PPARGC1A: variants seen among roughly 807,000 people sequenced by gnomAD.
PPARGC1A encodes the protein peroxisome proliferator-activated receptor gamma coactivator 1-alpha.
In PPARGC1A, 25 loss-of-function variants were observed where a neutral mutation model predicts 88.7. The ratio of observed to expected loss-of-function variants is 0.28; its 90% CI spans 0.21 to 0.39. The LOEUF (loss-of-function observed/expected upper bound fraction) is 0.39. Among genes scored for constraint, PPARGC1A ranks in the 10% least tolerant of loss-of-function variants. PPARGC1A has a pLI of 1.00. For synonymous variants in PPARGC1A, 363 were observed against 355.6 expected (o/e 1.02, Z -0.24); for missense variants, 880 against 968.7 (o/e 0.91, Z 1.22).
the PPARGC1A span, among the ~76,000 whole-genome samples, chr4:24,051,120 A>G: frequency 7.1e-6 from 1 of 141,310 alleles, no homozygotes; most frequent in Non-Finnish European, 1.5e-5. Context: ...CCCAGGAGGC[A>G]GAGCTTGCAG....
chr4:23,979,304 C>G, the PPARGC1A span, among the ~76,000 whole-genome samples: 1 of 152,170 alleles, frequency 6.6e-6, no homozygotes, highest in East Asian at 1.9e-4. Context: ...TTAAGGGATA[C>G]TTTCTCCTGT....
chr4:24,123,026 T>C, the PPARGC1A span, among the ~76,000 whole-genome samples: 1 of 152,184 alleles, frequency 6.6e-6, no homozygotes, highest in East Asian at 1.9e-4. Context: ...TGTGTGTGTG[T>C]GCATGTGTGT....
the PPARGC1A span, among the ~76,000 whole-genome samples, chr4:24,288,898 T>C: frequency 2.0e-5 from 3 of 152,136 alleles, no homozygotes; most frequent in Non-Finnish European, 4.4e-5. Flanking sequence ...CCAAGACTTG[T>C]ACCTGATGAC....
At chr4:24,181,238 G>A in the PPARGC1A span, among the ~76,000 whole-genome samples, 1 of 152,178 alleles carries the variant, frequency 6.6e-6, no homozygotes, top group South Asian at 2.1e-4. Context: ...ATCTACAAGA[G>A]TGATCATAGC....
the PPARGC1A span, among the ~76,000 whole-genome samples, chr4:24,318,204 G>T: frequency 6.6e-6 from 1 of 152,238 alleles, no homozygotes; most frequent in African/African-American, 2.4e-5. Context: ...ACTTGGTATA[G>T]TGACGAAAGC....
chr4:24,047,733 G>C, the PPARGC1A span, among the ~76,000 whole-genome samples: 8 of 152,190 alleles, frequency 5.3e-5, no homozygotes, highest in East Asian at 1.5e-3. Context: ...GAACCACCAA[G>C]CAAGTAAACC....
the PPARGC1A span, among the ~76,000 whole-genome samples, chr4:24,272,652 C>T: frequency 6.6e-6 from 1 of 152,182 alleles, no homozygotes; most frequent in African/African-American, 2.4e-5. Flanking sequence ...GTTCCAAGAT[C>T]CTCACACAAA....
At chr4:24,041,536 C>T in the PPARGC1A span, among the ~76,000 whole-genome samples, 1 of 152,140 alleles carries the variant, frequency 6.6e-6, no homozygotes, top group Non-Finnish European at 1.5e-5. Flanking sequence ...ACTCTAACCC[C>T]ATTTGTATGT....
chr4:24,119,476 C>T, the PPARGC1A span, among the ~76,000 whole-genome samples: 3 of 152,152 alleles, frequency 2.0e-5, no homozygotes, highest in Non-Finnish European at 4.4e-5. Context: ...AGCAGTCAAA[C>T]TGTCAGGATA....
the PPARGC1A span, among the ~76,000 whole-genome samples, chr4:24,393,013 G>GCACACACACACACACA: frequency 1.4e-5 from 2 of 146,096 alleles, no homozygotes; most frequent in African/African-American, 5.2e-5. Flanking sequence ...TGCTCCATCA[G>GCACACACACACACACA]CACACACACA....
At position 23,794,440 on chromosome 4, in the gene PPARGC1A, G is replaced by C. The variant is rs1202681858; in HGVS notation, c.*1382C>G. The C allele has an allele frequency of 3.9e-5, 6 of 152,478 alleles. No homozygotes were observed. The highest frequency in any genetic ancestry group is 7.4e-5 in the Non-Finnish European group (5 of 68,018). The allele number at this position is 152,478 out of a possible 1,614,324, so 9.4% of individuals were successfully genotyped here. On this transcript the variant is annotated 3_prime_UTR_variant, in exon 13 of 13. Transcript: ENST00000264867. The stretch of plus-strand genomic sequence containing the variant: ...AGGATATTTCTTGACAAGATGCTTA[G>C]ATTGAAGCTCACCTAAGGGATGGAT...
At chr4:24,138,100 C>T in the PPARGC1A span, among the ~76,000 whole-genome samples, 10 of 152,308 alleles carry the variant, frequency 6.6e-5, no homozygotes, top group Non-Finnish European at 1.2e-4. Context: ...ACTGCCCACA[C>T]CCCTGGTCTG....
At chr4:24,420,056 T>TG in the PPARGC1A span, among the ~76,000 whole-genome samples, 1 of 152,262 alleles carries the variant, frequency 6.6e-6, no homozygotes, top group Non-Finnish European at 1.5e-5. Flanking sequence ...TTCTGTCAGT[T>TG]GCTGACATTT....
the PPARGC1A span, among the ~76,000 whole-genome samples, chr4:23,993,199 G>A: frequency 6.6e-6 from 1 of 152,132 alleles, no homozygotes; most frequent in African/African-American, 2.4e-5. Flanking sequence ...GAACAATGAT[G>A]TTATGTAACA....
the PPARGC1A span, among the ~76,000 whole-genome samples, chr4:24,140,799 T>C: frequency 6.6e-6 from 1 of 152,276 alleles, no homozygotes; most frequent in South Asian, 2.1e-4. Context: ...CTGATGAATG[T>C]GCTTATCCTC....
chr4:24,317,346 A>C, the PPARGC1A span, among the ~76,000 whole-genome samples: 1 of 151,910 alleles, frequency 6.6e-6, no homozygotes, highest in Non-Finnish European at 1.5e-5. Context: ...GGAAAGTGTG[A>C]CCAGTCCAGT....
chr4:24,213,992 T>C, the PPARGC1A span, among the ~76,000 whole-genome samples: 1 of 152,192 alleles, frequency 6.6e-6, no homozygotes, highest in African/African-American at 2.4e-5. Context: ...AGACTCAACA[T>C]AAAGCGAAGC....
At chr4:23,804,409 A>T (rs1719376359) in intron 10 of PPARGC1A, among the ~76,000 whole-genome samples, 2 of 152,172 alleles carry the variant, frequency 1.3e-5, no homozygotes, top group South Asian at 4.1e-4. Flanking sequence ...TCCTAAGCCA[A>T]GCCTCCAGCT....
intron 7 of PPARGC1A, 107 bp from the exon 8 acceptor site, chr4:23,814,712 G>T: frequency 9.1e-7 from 1 of 1,100,404 alleles, no homozygotes; most frequent in Non-Finnish European, 1.3e-6. Flanking sequence ...CAAGATTTCA[G>T]ACAAGGGTTC....
Sources: allele counts gnomAD v4.1 joint callset (sites outside exome capture counted in the v4.1 genomes callset), GRCh38; gene constraint gnomAD v4.1.1; transcripts MANE v1.5; gene names NCBI Gene and HGNC (gene_info 2026-07-23, HGNC 2026-07-21).